The following MSRB3 variants were observed in gnomAD, a reference collection of about 807,000 sequenced individuals.
MSRB3 encodes methionine-R-sulfoxide reductase B3.
Under a neutral mutation model 21.0 loss-of-function variants are expected in MSRB3, and 13 were observed. That is an observed-to-expected ratio of 0.62 (90% CI 0.40 to 0.98). The LOEUF (loss-of-function observed/expected upper bound fraction) is 0.98, where lower values mean the gene tolerates loss of function less well. MSRB3 is among the 50% of genes least tolerant of loss of function. MSRB3 has a pLI of 0.00. For missense variants in MSRB3, 199 were observed against 230.3 expected (o/e 0.86, Z 0.88); for synonymous variants, 87 against 88.6 (o/e 0.98, Z 0.10).
At chr12:65,297,373 TTAAAA>T (rs1319322876) in intron 1 of MSRB3, among the ~76,000 whole-genome samples, 2 of 152,094 alleles carry the variant, frequency 1.3e-5, no homozygotes, top group African/African-American at 4.8e-5. Flanking sequence ...GCCCCGGAAC[TTAAAA>T]TAAAAATAAA....
intron 5 of MSRB3, among the ~76,000 whole-genome samples, chr12:65,400,645 T>A (rs961223457): frequency 1.3e-5 from 2 of 152,194 alleles, no homozygotes; most frequent in Non-Finnish European, 2.9e-5. Flanking sequence ...TTTCTTGTCT[T>A]CTGCTAGCTT....
At chr12:65,289,935 AAATTATGT>A in intron 1 of MSRB3, among the ~76,000 whole-genome samples, 1 of 152,252 alleles carries the variant, frequency 6.6e-6, no homozygotes, top group Non-Finnish European at 1.5e-5. Flanking sequence ...ATCCCCCACA[AAATTATGT>A]TTATGTTATC....
chr12:65,398,483 G>A (rs1309496487), intron 5 of MSRB3, among the ~76,000 whole-genome samples: 3 of 152,048 alleles, frequency 2.0e-5, no homozygotes, highest in Admixed American at 2.0e-4. Context: ...ATTTGTTTAA[G>A]CTCCTTGTGG....
chr12:65,388,091 C>T (rs1426099935), intron 5 of MSRB3, among the ~76,000 whole-genome samples: 2 of 152,078 alleles, frequency 1.3e-5, no homozygotes, highest in Admixed American at 6.6e-5. Context: ...TTAGCATTCA[C>T]TGTTGTTGAA....
At chr12:65,351,632 T>C (rs1407563662) in intron 4 of MSRB3, among the ~76,000 whole-genome samples, 1 of 147,808 alleles carries the variant, frequency 6.8e-6, no homozygotes, top group Non-Finnish European at 1.5e-5. Context: ...AAAGGGGATA[T>C]CACCACTGAT....
chr12:65,395,634 G>A (rs556297008), intron 5 of MSRB3, among the ~76,000 whole-genome samples: 105 of 152,212 alleles, frequency 6.9e-4, no homozygotes, highest in Non-Finnish European at 1.2e-3. Context: ...AACCCATATA[G>A]GGCTAGTGCT....
chr12:65,376,490 C>T (rs973695773), intron 5 of MSRB3, among the ~76,000 whole-genome samples: 3 of 152,188 alleles, frequency 2.0e-5, no homozygotes, highest in African/African-American at 7.2e-5. Context: ...AGCCAATTTA[C>T]TTGGGACATG....
chr12:65,316,941 A>G (rs1874337380), intron 2 of MSRB3, among the ~76,000 whole-genome samples: 6 of 152,034 alleles, frequency 3.9e-5, no homozygotes, highest in Admixed American at 3.9e-4. Flanking sequence ...GGAGTGGAGG[A>G]TGAGAAGATG....
intron 1 of MSRB3, chr12:65,286,322 A>G (rs1162668865): frequency 5.9e-5 from 9 of 152,244 alleles, no homozygotes. Context: ...ATGACAGGGA[A>G]ACACCTTCTC....
At chr12:65,327,880 A>C (rs187313351) in intron 3 of MSRB3, among the ~76,000 whole-genome samples, 421 of 152,346 alleles carry the variant, frequency 2.8e-3, no homozygotes, top group African/African-American at 9.5e-3. Flanking sequence ...TGTTGTGTAC[A>C]TGACTAGCAA....
chr12:65,297,158 G>A (rs965457096), intron 1 of MSRB3, among the ~76,000 whole-genome samples: 30 of 152,232 alleles, frequency 2.0e-4, no homozygotes, highest in African/African-American at 7.2e-4. Context: ...TTATAAGTGG[G>A]GGCTGAACAA....
chr12:65,466,104 T>A lies in MSRB3; in HGVS notation c.*2782T>A, dbSNP rs1883560052. The A allele has an allele frequency of 6.6e-6, 1 of 152,094 alleles. No individual in the cohort carries two copies. Among genetic ancestry groups the A allele is most frequent in the South Asian group, 2.1e-4 (1 of 4,820 alleles). 9.4% of individuals were successfully genotyped at this position (152,094 alleles called of 1,614,324 possible). ...TTCATTTATATCGTAGGGCTTAACA[T>A]TTCACTCAAAAAAAAGCCCCTCTTT... is the stretch of plus-strand genomic sequence containing the variant. On this transcript the variant is annotated 3_prime_UTR_variant, in exon 7 of 7. Coordinates refer to ENST00000308259, the MANE Select transcript of MSRB3 (RefSeq NM_001031679.3).
intron 3 of MSRB3, among the ~76,000 whole-genome samples, chr12:65,327,172 A>G (rs1344299769): frequency 2.0e-5 from 3 of 152,214 alleles, no homozygotes; most frequent in African/African-American, 7.2e-5. Flanking sequence ...AGCTTTTGTT[A>G]AGGGCCTGTT....
intron 2 of MSRB3, among the ~76,000 whole-genome samples, chr12:65,315,579 A>T (rs1874240692): frequency 6.6e-6 from 1 of 151,218 alleles, no homozygotes; most frequent in South Asian, 2.1e-4. Context: ...GAAGCAGGAG[A>T]ATCGCTTAAG....
At chr12:65,322,144 CTT>C (rs1874711348) in intron 2 of MSRB3, among the ~76,000 whole-genome samples, 1 of 152,116 alleles carries the variant, frequency 6.6e-6, no homozygotes, top group African/African-American at 2.4e-5. Context: ...GTTTCATAGA[CTT>C]TGTGAGAATC....
intron 5 of MSRB3, among the ~76,000 whole-genome samples, chr12:65,424,177 A>G (rs1300497662): frequency 1.3e-5 from 2 of 149,034 alleles, no homozygotes; most frequent in African/African-American, 4.9e-5. Flanking sequence ...TTTGTGTAAT[A>G]CCTCCTTTTT....
At chr12:65,462,575 G>A (rs913955603) in intron 6 of MSRB3, among the ~76,000 whole-genome samples, 6 of 152,218 alleles carry the variant, frequency 3.9e-5, no homozygotes, top group Non-Finnish European at 8.8e-5. Context: ...GTGTGTGCTA[G>A]AGATGTTTCC....
intron 5 of MSRB3, among the ~76,000 whole-genome samples, chr12:65,437,017 C>A (rs1882149774): frequency 6.6e-6 from 1 of 151,872 alleles, no homozygotes; most frequent in Non-Finnish European, 1.5e-5. Flanking sequence ...AAGCACTTAG[C>A]ATAACATCAC....
chr12:65,375,930 G>GTT (rs35459253), intron 5 of MSRB3, among the ~76,000 whole-genome samples: 10,721 of 148,716 alleles, frequency 0.072, 557 homozygotes, highest in East Asian at 0.25. Context: ...ACTTATTAAA[G>GTT]TTTTTTTTTT....
Sources: allele counts gnomAD v4.1 joint callset (sites outside exome capture counted in the v4.1 genomes callset), GRCh38; gene constraint gnomAD v4.1.1; transcripts MANE v1.5; gene names NCBI Gene and HGNC (gene_info 2026-07-23, HGNC 2026-07-21).